KCNIP4: variants seen among roughly 807,000 people sequenced by gnomAD.
KCNIP4 encodes the protein Kv channel-interacting protein 4.
A neutral mutation model predicts 34.0 loss-of-function variants in KCNIP4; 12 were observed. That is an observed-to-expected ratio of 0.35 (90% CI 0.23 to 0.57). KCNIP4 has a LOEUF of 0.57. KCNIP4 is among the 20% of genes least tolerant of loss of function. KCNIP4 has a pLI of 0.83. For synonymous variants in KCNIP4, 124 were observed against 102.2 expected, an observed-to-expected ratio of 1.21 and a Z score of -1.29; for missense variants, 238 against 311.7, an observed-to-expected ratio of 0.76 and a Z score of 1.78.
chr4:20,962,287 C>CGAATTTTGT (rs1480745327), intron 1 of KCNIP4, among the ~76,000 whole-genome samples: 10 of 152,190 alleles, frequency 6.6e-5, no homozygotes, highest in African/African-American at 2.2e-4. Context: ...TTGCACACAG[C>CGAATTTTGT]GAATTTTGTG....
At chr4:20,864,896 A>G (rs942279165) in intron 2 of KCNIP4, among the ~76,000 whole-genome samples, 2 of 152,018 alleles carry the variant, frequency 1.3e-5, no homozygotes, top group Non-Finnish European at 2.9e-5. Context: ...TCTTTTATGG[A>G]TAAGAGTGTC....
At chr4:21,117,013 T>G (rs1057318735) in intron 1 of KCNIP4, among the ~76,000 whole-genome samples, 3 of 152,238 alleles carry the variant, frequency 2.0e-5, no homozygotes, top group African/African-American at 7.2e-5. Flanking sequence ...ACTATGTGTT[T>G]GGAACACAAC....
intron 5 of KCNIP4, among the ~76,000 whole-genome samples, chr4:20,748,677 A>G (rs1381534474): frequency 6.7e-6 from 1 of 148,410 alleles, no homozygotes; most frequent in East Asian, 2.0e-4. Context: ...GTATAATGCT[A>G]CTTCTGAGAC....
chr4:21,442,856 T>C (rs576112290), intron 1 of KCNIP4, among the ~76,000 whole-genome samples: 17 of 152,318 alleles, frequency 1.1e-4, no homozygotes, highest in African/African-American at 4.1e-4. Flanking sequence ...CTAAGGTTCA[T>C]ATTCAACTGT....
At chr4:20,974,454 T>A (rs1184396500) in intron 1 of KCNIP4, among the ~76,000 whole-genome samples, 1 of 152,112 alleles carries the variant, frequency 6.6e-6, no homozygotes, top group Non-Finnish European at 1.5e-5. Flanking sequence ...AGGGTGGCAC[T>A]TGTATAGGAG....
intron 1 of KCNIP4, among the ~76,000 whole-genome samples, chr4:21,787,886 A>T (rs2109226553): frequency 6.6e-6 from 1 of 152,244 alleles, no homozygotes; most frequent in East Asian, 1.9e-4. Context: ...CAGAGCTGAC[A>T]TTCTAGTGGG....
chr4:20,940,896 T>C (rs775257912), intron 1 of KCNIP4, among the ~76,000 whole-genome samples: 19 of 152,188 alleles, frequency 1.2e-4, no homozygotes, highest in Non-Finnish European at 1.6e-4. Flanking sequence ...GGAGAAAATA[T>C]GGGCTCAGAG....
intron 1 of KCNIP4, among the ~76,000 whole-genome samples, chr4:21,388,824 G>A (rs1237939505): frequency 6.6e-6 from 1 of 152,038 alleles, no homozygotes; most frequent in Non-Finnish European, 1.5e-5. Context: ...TGTTGTATCA[G>A]TAAATCATTT....
At chr4:20,860,078 T>A (rs943943421) in intron 2 of KCNIP4, among the ~76,000 whole-genome samples, 1 of 152,158 alleles carries the variant, frequency 6.6e-6, no homozygotes, top group East Asian at 1.9e-4. Flanking sequence ...AAATAACTAC[T>A]TGAAGCATTC....
chr4:21,788,263 G>A (rs1322880639), intron 1 of KCNIP4, among the ~76,000 whole-genome samples: 1 of 151,568 alleles, frequency 6.6e-6, no homozygotes, highest in African/African-American at 2.4e-5. Context: ...AAGGAGTTGA[G>A]ATTTTTATGG....
In KCNIP4 at chr4:20,973,863, C is replaced by A. The variant is rs574717966; in HGVS notation, c.62-91154G>T. 2.9e-4 allele frequency among the ~76,000 whole-genome samples: 44 copies of A among 152,218 alleles called. No individual in the cohort carries two copies. The South Asian group carries it at 3.5e-3, about 12-fold the overall frequency. On this transcript the variant is annotated intron_variant, in intron 1 of 8. Transcript: ENST00000382152. The stretch of plus-strand genomic sequence containing the variant: ...AATATTTATAGATTAAGTTTGGAAT[C>A]TTACATGGATGTAGTTCATGGTGCT...
chr4:21,260,576 ACTTTT>A (rs72025933), intron 1 of KCNIP4, among the ~76,000 whole-genome samples: 41,977 of 151,752 alleles, frequency 0.28, 6,046 homozygotes, highest in South Asian at 0.33. Context: ...TCTGGCTGGA[ACTTTT>A]CTTAATGCCT....
At chr4:21,697,185 A>T (rs978633766) in intron 1 of KCNIP4, among the ~76,000 whole-genome samples, 2 of 152,084 alleles carry the variant, frequency 1.3e-5, no homozygotes, top group African/African-American at 4.8e-5. Context: ...GCTGCACTGC[A>T]CACATTTTTA....
At chr4:21,085,310 T>C (rs1358772739) in intron 1 of KCNIP4, among the ~76,000 whole-genome samples, 1 of 152,074 alleles carries the variant, frequency 6.6e-6, no homozygotes, top group Non-Finnish European at 1.5e-5. Flanking sequence ...CCAATCATAT[T>C]GGCACCCCGA....
chr4:20,779,659 T>C (rs540469846), intron 3 of KCNIP4, among the ~76,000 whole-genome samples: 167 of 141,240 alleles, frequency 1.2e-3, no homozygotes, highest in South Asian at 3.3e-3. Context: ...AAGGAGAGAT[T>C]ATCCTGGATT....
intron 1 of KCNIP4, among the ~76,000 whole-genome samples, chr4:20,903,983 A>G (rs1249877319): frequency 6.6e-6 from 1 of 152,114 alleles, no homozygotes; most frequent in Non-Finnish European, 1.5e-5. Context: ...GCTCTACTTG[A>G]TGGGCTCCCC....
intron 1 of KCNIP4, among the ~76,000 whole-genome samples, chr4:20,981,645 T>C (rs1252756680): frequency 6.6e-6 from 1 of 152,100 alleles, no homozygotes; most frequent in Admixed American, 6.5e-5. Context: ...AAAATAAGAG[T>C]TGGCCCAAAC....
intron 1 of KCNIP4, among the ~76,000 whole-genome samples, chr4:21,806,904 A>G (rs1228248491): frequency 6.6e-6 from 1 of 152,076 alleles, no homozygotes; most frequent in Non-Finnish European, 1.5e-5. Flanking sequence ...ATTCAAGCAC[A>G]TTATATTTAT....
At chr4:21,252,006 T>TATAATA (rs966063574) in intron 1 of KCNIP4, among the ~76,000 whole-genome samples, 2 of 150,184 alleles carry the variant, frequency 1.3e-5, no homozygotes, top group African/African-American at 4.9e-5. Flanking sequence ...AAACTTAAAG[T>TATAATA]ATAATAATAA....
Sources: gnomAD v4.1 joint callset for allele counts (sites outside exome capture counted in the v4.1 genomes callset) on GRCh38, gnomAD v4.1.1 for gene constraint, MANE v1.5 for transcripts, NCBI Gene and HGNC (gene_info 2026-07-23, HGNC 2026-07-21) for gene names.